Variants in VTI1A observed in about 807,000 individuals in gnomAD.
VTI1A encodes the protein vesicle transport through interaction with t-SNAREs homolog 1A.
In VTI1A, 22 loss-of-function variants were observed where a neutral mutation model predicts 34.9. The ratio of observed to expected loss-of-function variants is 0.63; its 90% CI spans 0.45 to 0.90. The LOEUF (loss-of-function observed/expected upper bound fraction) is 0.90, where lower values mean the gene tolerates loss of function less well. VTI1A is among the 40% of genes least tolerant of loss of function. The pLI is 0.00. For missense variants in VTI1A, 268 were observed against 275.6 expected, an observed-to-expected ratio of 0.97 and a Z score of 0.20; for synonymous variants, 87 against 97.3, an observed-to-expected ratio of 0.89 and a Z score of 0.62.
At chr10:112,822,781 A>G (rs1222428525), downstream of VTI1A, among the ~76,000 whole-genome samples, 1 of 152,174 alleles carries the variant, frequency 6.6e-6, no homozygotes, top group Non-Finnish European at 1.5e-5. Context: ...CTTCTAAATA[A>G]TCTAGCCTTT....
intron 7 of VTI1A, among the ~76,000 whole-genome samples, chr10:112,673,999 C>T (rs1423045990): frequency 6.6e-6 from 1 of 152,182 alleles, no homozygotes; most frequent in Non-Finnish European, 1.5e-5. Context: ...ATTGTTCTTA[C>T]TACAATGTCT....
chr10:112,457,124 A>G (rs1347022811), intron 1 of VTI1A, among the ~76,000 whole-genome samples: 1 of 152,206 alleles, frequency 6.6e-6, no homozygotes, highest in Admixed American at 6.5e-5. Flanking sequence ...ACTGCATACT[A>G]GAAACCTTGT....
At chr10:112,539,966 C>T (rs567655280) in intron 5 of VTI1A, among the ~76,000 whole-genome samples, 44 of 152,228 alleles carry the variant, frequency 2.9e-4, no homozygotes, top group African/African-American at 1.1e-3. Flanking sequence ...GGGAACATAG[C>T]ACTGTGTCTA....
chr10:112,761,344 C>T (rs917997657), intron 7 of VTI1A, among the ~76,000 whole-genome samples: 2 of 152,132 alleles, frequency 1.3e-5, no homozygotes, highest in Middle Eastern at 3.2e-3. Flanking sequence ...GTTTTAATTT[C>T]GGTCTAACAG....
At chr10:112,806,289 T>A (rs946416794) in intron 7 of VTI1A, among the ~76,000 whole-genome samples, 21 of 152,138 alleles carry the variant, frequency 1.4e-4, no homozygotes, top group African/African-American at 4.6e-4. Flanking sequence ...CCTTTTTTTT[T>A]ATTATTTTAT....
chr10:112,638,057 A>G (rs1457797305), intron 5 of VTI1A, among the ~76,000 whole-genome samples: 1 of 152,250 alleles, frequency 6.6e-6, no homozygotes, highest in African/African-American at 2.4e-5. Context: ...CTTCATTGTT[A>G]AAATCAGAAT....
chr10:112,743,384 T>G (rs1335880406), intron 7 of VTI1A, among the ~76,000 whole-genome samples: 1 of 152,200 alleles, frequency 6.6e-6, no homozygotes, highest in East Asian at 1.9e-4. Context: ...TTTCACTCCA[T>G]CATCTGGAGG....
chr10:112,596,619 A>G (rs1004055228), intron 5 of VTI1A, among the ~76,000 whole-genome samples: 13 of 152,272 alleles, frequency 8.5e-5, no homozygotes, highest in African/African-American at 2.9e-4. Context: ...AATGTATTAT[A>G]CCAAATTTTC....
intron 7 of VTI1A, among the ~76,000 whole-genome samples, chr10:112,700,129 AAAAAAAC>A (rs1848953517): frequency 7.1e-6 from 1 of 140,128 alleles, no homozygotes; most frequent in Non-Finnish European, 1.5e-5. Flanking sequence ...AAAAAAAAAA[AAAAAAAC>A]AAAACAAAAA....
chr10:112,592,042 T>A (rs1433584904), intron 5 of VTI1A, among the ~76,000 whole-genome samples: 3 of 152,056 alleles, frequency 2.0e-5, no homozygotes, highest in Non-Finnish European at 4.4e-5. Flanking sequence ...ACGTGGAAGG[T>A]AGACAGTGTA....
chr10:112,564,884 T>C (rs1346477942), intron 5 of VTI1A, among the ~76,000 whole-genome samples: 1 of 152,140 alleles, frequency 6.6e-6, no homozygotes, highest in East Asian at 1.9e-4. Flanking sequence ...GCCAATAATT[T>C]TTGTTTTCTT....
chr10:112,722,503 G>A (rs1462652217), intron 7 of VTI1A, among the ~76,000 whole-genome samples: 1 of 152,044 alleles, frequency 6.6e-6, no homozygotes, highest in East Asian at 1.9e-4. Flanking sequence ...AGAACTTAAA[G>A]TATAATAATA....
intron 5 of VTI1A, among the ~76,000 whole-genome samples, chr10:112,555,178 T>A (rs182124570): frequency 9.9e-5 from 15 of 152,276 alleles, no homozygotes; most frequent in Middle Eastern, 3.4e-3. Context: ...ATTTTCTCTA[T>A]ATTTAAAGTG....
At chr10:112,721,581 C>A (rs897039177) in intron 7 of VTI1A, among the ~76,000 whole-genome samples, 1 of 152,184 alleles carries the variant, frequency 6.6e-6, no homozygotes, top group Non-Finnish European at 1.5e-5. Flanking sequence ...TTAGTTACTA[C>A]GGTCCTAAAG....
chr10:112,556,725 T>G (rs1210366331), intron 5 of VTI1A, among the ~76,000 whole-genome samples: 1 of 152,032 alleles, frequency 6.6e-6, no homozygotes, highest in Non-Finnish European at 1.5e-5. Flanking sequence ...TCAATACTTT[T>G]TGTAAAAGAA....
intron 3 of VTI1A, among the ~76,000 whole-genome samples, chr10:112,470,639 G>A (rs1848043178): frequency 6.6e-6 from 1 of 152,164 alleles, no homozygotes; most frequent in Non-Finnish European, 1.5e-5. Context: ...CACTTTGGGA[G>A]GCCGAGGCAG....
chr10:112,798,412 G>C (rs541716469), intron 7 of VTI1A, among the ~76,000 whole-genome samples: 1 of 152,202 alleles, frequency 6.6e-6, no homozygotes, highest in Non-Finnish European at 1.5e-5. Flanking sequence ...TAGGGGGTCA[G>C]ATATCACCCT....
At chr10:112,774,232 G>A (rs952736761) in intron 7 of VTI1A, among the ~76,000 whole-genome samples, 1 of 152,216 alleles carries the variant, frequency 6.6e-6, no homozygotes, top group Admixed American at 6.5e-5. Flanking sequence ...TATTTTGTTG[G>A]GGAGAGAGAG....
chr10:112,492,258 C>T (rs1848852098), intron 3 of VTI1A, among the ~76,000 whole-genome samples: 1 of 152,096 alleles, frequency 6.6e-6, no homozygotes, highest in Admixed American at 6.6e-5. Flanking sequence ...AAACCATAAA[C>T]TGAGGGACTA....
Sources: gnomAD v4.1 joint callset for allele counts (sites outside exome capture counted in the v4.1 genomes callset) on GRCh38, gnomAD v4.1.1 for gene constraint, MANE v1.5 for transcripts, NCBI Gene and HGNC (gene_info 2026-07-23, HGNC 2026-07-21) for gene names.